The following MKLN1 variants were observed in gnomAD, a reference collection of about 807,000 sequenced individuals.
The protein encoded by MKLN1 is muskelin 1, also known as muskelin.
Under a neutral mutation model 99.0 loss-of-function variants are expected in MKLN1, and 18 were observed. That is an observed-to-expected ratio of 0.18 (90% CI 0.13 to 0.27). The LOEUF is 0.27. MKLN1 is among the 10% of genes least tolerant of loss of function. The pLI, the probability that MKLN1 is intolerant of heterozygous loss-of-function variation, is 1.00. For missense variants in MKLN1, 621 were observed against 875.9 expected (o/e 0.71, Z 3.67); for synonymous variants, 288 against 293.2 (o/e 0.98, Z 0.18).
rs1764206446 is a variant in MKLN1 at position 131,495,704 on chromosome 7, C to T, written c.*7976C>T. 6.6e-6 allele frequency: 1 copy of T among 152,086 alleles called. No homozygotes were observed. Among genetic ancestry groups the T allele is most frequent in the Admixed American group, 6.6e-5 (1 of 15,262 alleles). 9.4% of individuals were successfully genotyped at this position (152,086 alleles called of 1,614,324 possible). A position where few individuals can be genotyped will look rare whatever the true frequency, so the allele number is the denominator to read the frequency against. On this transcript the variant is annotated 3_prime_UTR_variant, in exon 18 of 18. Transcript: ENST00000352689. ...TTATTTATATTCCTTTGAGCATTGC[C>T]GTTTTCTAGACAGACAATCCGAAAA...
At chr7:131,472,367 G>A (rs1192468964) in intron 16 of MKLN1, 1 of 152,236 alleles carries the variant, frequency 6.6e-6, no homozygotes, top group East Asian at 1.9e-4. Flanking sequence ...AAGACAGTTT[G>A]TTCTTAAAGT....
intron 1 of MKLN1, among the ~76,000 whole-genome samples, chr7:131,328,627 G>T (rs1798970153): frequency 6.6e-6 from 1 of 152,196 alleles, no homozygotes; most frequent in African/African-American, 2.4e-5. Flanking sequence ...TAGGGAGTGG[G>T]AAGGAGGGAC....
At chr7:131,331,960 AGT>A (rs759255508) in intron 1 of MKLN1, among the ~76,000 whole-genome samples, 5 of 152,128 alleles carry the variant, frequency 3.3e-5, no homozygotes, top group East Asian at 1.9e-4. Context: ...TAGATTTTTA[AGT>A]GTGTTTACCT....
intron 9 of MKLN1, among the ~76,000 whole-genome samples, chr7:131,433,345 A>G (rs560446256): frequency 6.2e-4 from 95 of 152,330 alleles, no homozygotes; most frequent in African/African-American, 2.1e-3. Flanking sequence ...TCCATATATC[A>G]TATCAGGAGA....
At position 131,339,970 on chromosome 7, in the gene MKLN1, A is replaced by G. The variant is rs1584622941; in HGVS notation, c.98+11973A>G. Reference sequence around the variant, plus strand: ...GTATCACCTATGTATTTTTTGTTAAAGAAGTTGTCTTATATACATAGAAAT... The same window carrying G: ...GTATCACCTATGTATTTTTTGTTAAGGAAGTTGTCTTATATACATAGAAAT... On this transcript the variant is annotated intron_variant, in intron 1 of 17. Transcript: ENST00000352689. 6.6e-5 allele frequency among the ~76,000 whole-genome samples: 10 copies of G among 152,098 alleles called. 2 individuals are homozygous for G. Among genetic ancestry groups the G allele is most frequent in the Admixed American group, 5.9e-4 (9 of 15,276 alleles).
intron 6 of MKLN1, 53 bp downstream of exon 6, chr7:131,399,486 T>C: frequency 6.8e-7 from 1 of 1,474,952 alleles, no homozygotes; most frequent in Non-Finnish European, 9.3e-7. Context: ...ACGGGAAACT[T>C]TTTCTCAAAA....
chr7:131,360,417 AT>A (rs1799996041), intron 1 of MKLN1, among the ~76,000 whole-genome samples: 1 of 151,818 alleles, frequency 6.6e-6, no homozygotes, highest in South Asian at 2.1e-4. Flanking sequence ...ATTGATTGTG[AT>A]TTTGTTTTCT....
Position 131,488,767 on chromosome 7 carries a change from A to G in MKLN1, c.*1039A>G, listed in dbSNP as rs1797351762. 6.6e-6 allele frequency: 1 copy of G among 152,144 alleles called. No individual in the cohort carries two copies. Among genetic ancestry groups the G allele is most frequent in the Admixed American group, 6.6e-5 (1 of 15,252 alleles). 9.4% of individuals were successfully genotyped at this position (152,144 alleles called of 1,614,324 possible). On this transcript the variant is annotated 3_prime_UTR_variant, in exon 18 of 18. Transcript: ENST00000352689. ...TGTGGATATTGTTATTTTGAAGAGA[A>G]ATGGTTTGTGGTTGTCCAGTGGTAT...
At chr7:131,322,287 T>C (rs1302959462) in intron 3 of MKLN1, among the ~76,000 whole-genome samples, 1 of 152,248 alleles carries the variant, frequency 6.6e-6, no homozygotes, top group Non-Finnish European at 1.5e-5. Flanking sequence ...ATTCCCTGAA[T>C]GTTAGCATTT....
At chr7:131,262,369 A>G (rs543240318) in intron 3 of MKLN1, among the ~76,000 whole-genome samples, 3 of 151,796 alleles carry the variant, frequency 2.0e-5, no homozygotes, top group African/African-American at 7.2e-5. Flanking sequence ...CCCGGGAGGC[A>G]GAGGATGCAG....
intron 3 of MKLN1, among the ~76,000 whole-genome samples, chr7:131,298,143 C>T (rs2116612649): frequency 6.6e-6 from 1 of 152,182 alleles, no homozygotes; most frequent in East Asian, 1.9e-4. Flanking sequence ...CGGTGGCAGG[C>T]GCCTGTAGTC....
intron 8 of MKLN1, among the ~76,000 whole-genome samples, chr7:131,427,170 A>AT (rs1257727906): frequency 3.3e-5 from 5 of 152,170 alleles, no homozygotes; most frequent in Admixed American, 1.3e-4. Flanking sequence ...GCAGTGAAGC[A>AT]TTTTTTTATT....
At chr7:131,285,978 C>A (rs896140658) in intron 3 of MKLN1, among the ~76,000 whole-genome samples, 6 of 142,344 alleles carry the variant, frequency 4.2e-5, no homozygotes, top group Non-Finnish European at 9.0e-5. Flanking sequence ...TTTTTTGAGA[C>A]ACAGTTTCAC....
At chr7:131,272,630 A>G (rs1300767084) in intron 3 of MKLN1, among the ~76,000 whole-genome samples, 2 of 152,186 alleles carry the variant, frequency 1.3e-5, no homozygotes, top group African/African-American at 4.8e-5. Flanking sequence ...GAGACTGGGA[A>G]GAAAAAGAGG....
intron 3 of MKLN1, among the ~76,000 whole-genome samples, chr7:131,299,503 C>CT (rs1445823262): frequency 2.0e-5 from 3 of 152,120 alleles, no homozygotes; most frequent in African/African-American, 7.2e-5. Context: ...CACTTACCTG[C>CT]TTTTAAAACT....
intron 1 of MKLN1, among the ~76,000 whole-genome samples, chr7:131,353,880 G>T (rs1419032495): frequency 1.2e-4 from 8 of 64,972 alleles, no homozygotes; most frequent in Admixed American, 3.8e-4. Flanking sequence ...TTCTTCCTTT[G>T]TTGAATTGCT....
intron 1 of MKLN1, among the ~76,000 whole-genome samples, chr7:131,370,420 T>A (rs898998505): frequency 5.9e-5 from 9 of 152,000 alleles, no homozygotes; most frequent in African/African-American, 1.9e-4. Context: ...TTCTTACTTT[T>A]AAAAAGTGTT....
At chr7:131,404,802 G>A (rs1336562767) in intron 6 of MKLN1, among the ~76,000 whole-genome samples, 1 of 151,718 alleles carries the variant, frequency 6.6e-6, no homozygotes, top group African/African-American at 2.4e-5. Context: ...TTGCTGTATT[G>A]CCCAGGCTGG....
intron 3 of MKLN1, among the ~76,000 whole-genome samples, chr7:131,308,860 C>A (rs1188602176): frequency 6.6e-6 from 1 of 152,216 alleles, no homozygotes. Flanking sequence ...GCTGGGATTA[C>A]AGGCGTGAGC....
Sources: allele counts gnomAD v4.1 joint callset (sites outside exome capture counted in the v4.1 genomes callset), GRCh38; gene constraint gnomAD v4.1.1; transcripts MANE v1.5; gene names NCBI Gene and HGNC (gene_info 2026-07-23, HGNC 2026-07-21).